FSD1L: variants seen among roughly 807,000 people sequenced by gnomAD.
FSD1L encodes FSD1-like protein.
Under a neutral mutation model 71.6 loss-of-function variants are expected in FSD1L, and 45 were observed. That is an observed-to-expected ratio of 0.63 (90% CI 0.49 to 0.81). The LOEUF (loss-of-function observed/expected upper bound fraction) is 0.81. FSD1L is among the 30% of genes least tolerant of loss of function. FSD1L has a pLI of 0.00. For synonymous variants in FSD1L, 197 were observed against 207.2 expected (o/e 0.95, Z 0.42); for missense variants, 561 against 618.1 (o/e 0.91, Z 0.98).
intron 1 of FSD1L, among the ~76,000 whole-genome samples, chr9:105,449,173 G>A (rs991115228): frequency 3.3e-5 from 5 of 152,212 alleles, no homozygotes; most frequent in Admixed American, 6.5e-5. Flanking sequence ...GAAAGACTTA[G>A]AACAACGTTT....
chr9:105,475,740 C>T (rs1347399907), intron 5 of FSD1L, among the ~76,000 whole-genome samples: 3 of 152,206 alleles, frequency 2.0e-5, no homozygotes, highest in Non-Finnish European at 1.5e-5. Context: ...AATCATAAAA[C>T]AGTTGCGGAC....
chr9:105,466,182 G>T (rs1185221640), intron 3 of FSD1L, among the ~76,000 whole-genome samples: 1 of 152,038 alleles, frequency 6.6e-6, no homozygotes, highest in East Asian at 1.9e-4. Context: ...ATTTACCTAA[G>T]GAAATGAAAG....
chr9:105,545,374 G>A (rs1836924856), intron 13 of FSD1L, among the ~76,000 whole-genome samples: 1 of 146,162 alleles, frequency 6.8e-6, no homozygotes, highest in Admixed American at 6.8e-5. Flanking sequence ...TGCAAACAGG[G>A]ACAATTTGAC....
At chr9:105,451,860 C>T (rs1054845133) in intron 1 of FSD1L, among the ~76,000 whole-genome samples, 2 of 152,122 alleles carry the variant, frequency 1.3e-5, no homozygotes, top group African/African-American at 2.4e-5. Context: ...ACTTTTTGTA[C>T]AGATTATTCA....
At chr9:105,476,000 T>C (rs1489742635) in intron 5 of FSD1L, among the ~76,000 whole-genome samples, 1 of 152,032 alleles carries the variant, frequency 6.6e-6, no homozygotes, top group Non-Finnish European at 1.5e-5. Flanking sequence ...AAAAGAGAAA[T>C]GATGATATTA....
At chr9:105,477,113 A>G (rs1385974448) in intron 5 of FSD1L, among the ~76,000 whole-genome samples, 2 of 152,220 alleles carry the variant, frequency 1.3e-5, no homozygotes, top group African/African-American at 4.8e-5. Flanking sequence ...ATATGTGCAC[A>G]CACACACTAA....
At chr9:105,454,425 GC>G (rs1330153034) in intron 1 of FSD1L, among the ~76,000 whole-genome samples, 4 of 152,110 alleles carry the variant, frequency 2.6e-5, no homozygotes, top group African/African-American at 9.7e-5. Context: ...CCAAGTCTCT[GC>G]TTACACCCTT....
chr9:105,462,006 T>C (rs780822620), intron 2 of FSD1L, among the ~76,000 whole-genome samples: 4 of 151,660 alleles, frequency 2.6e-5, no homozygotes, highest in Non-Finnish European at 5.9e-5. Flanking sequence ...TCAGGTCTTA[T>C]CTAGTTGGGG....
intron 1 of FSD1L, among the ~76,000 whole-genome samples, chr9:105,458,796 C>T (rs1830511184): frequency 6.6e-6 from 1 of 152,180 alleles, no homozygotes; most frequent in East Asian, 1.9e-4. Context: ...CCTAGGACTA[C>T]GTCTGCCTCC....
chr9:105,484,442 C>T lies in FSD1L; in HGVS notation c.526C>T (p.His176Tyr). 1.3e-6 allele frequency: 2 copies of T among 1,530,448 alleles called. No homozygotes were observed. The highest frequency in any genetic ancestry group is 1.8e-6 in the Non-Finnish European group (2 of 1,138,584). 94.8% of individuals were successfully genotyped at this position (1,530,448 alleles called of 1,614,324 possible). ...ACCAAAGGTCAGTGACAACATGACTCATTTAATGGTGGATTTCTCACAGGA... is the reference window on the plus strand; with the variant it reads ...ACCAAAGGTCAGTGACAACATGACTTATTTAATGGTGGATTTCTCACAGGA... ...LKPKVSDNMT[H>Y]LMVDFSQERQ... Residue 176 changes from histidine (H) to tyrosine (Y), a missense_variant, in exon 7 of 14, where the codon CAT becomes TAT. This residue lies in a region of FSD1L where 410 missense variants were observed against 413.5 expected (regional missense o/e 0.99). Transcript: ENST00000481272.
chr9:105,443,980 G>A (rs1829588192), upstream of FSD1L, among the ~76,000 whole-genome samples: 2 of 152,140 alleles, frequency 1.3e-5, no homozygotes, highest in Non-Finnish European at 1.5e-5. Context: ...CAGGCTGGGT[G>A]GCAAATGCTA....
At chr9:105,473,686 T>C (rs1564092179) in intron 5 of FSD1L, among the ~76,000 whole-genome samples, 1 of 152,162 alleles carries the variant, frequency 6.6e-6, no homozygotes, top group Admixed American at 6.5e-5. Context: ...ACACTAATAC[T>C]CAAAAATGCC....
intron 7 of FSD1L, among the ~76,000 whole-genome samples, chr9:105,485,792 C>T (rs567418676): frequency 7.2e-5 from 11 of 151,906 alleles, no homozygotes; most frequent in Non-Finnish European, 1.6e-4. Flanking sequence ...TACAGGCAGC[C>T]GTCACCAAGC....
intron 10 of FSD1L, among the ~76,000 whole-genome samples, chr9:105,532,722 T>C (rs1280299900): frequency 6.6e-6 from 1 of 152,202 alleles, no homozygotes; most frequent in Non-Finnish European, 1.5e-5. Context: ...TTTTTAGTTG[T>C]CTTTTTAAAG....
chr9:105,503,178 A>G (rs184345931), intron 7 of FSD1L, among the ~76,000 whole-genome samples: 92 of 152,306 alleles, frequency 6.0e-4, no homozygotes, highest in African/African-American at 2.0e-3. Flanking sequence ...ATGAGCCACT[A>G]TGCCCAGCAG....
intron 13 of FSD1L, among the ~76,000 whole-genome samples, chr9:105,542,926 G>C (rs1471648987): frequency 6.6e-6 from 1 of 151,974 alleles, no homozygotes; most frequent in Non-Finnish European, 1.5e-5. Flanking sequence ...CCTATTATGG[G>C]TAATGCTTTG....
At chr9:105,541,905 G>A (rs992450770) in intron 13 of FSD1L, among the ~76,000 whole-genome samples, 55 of 152,278 alleles carry the variant, frequency 3.6e-4, no homozygotes, top group African/African-American at 8.4e-4. Flanking sequence ...TTTCGATTCC[G>A]TACCATGCTG....
intron 6 of FSD1L, among the ~76,000 whole-genome samples, chr9:105,480,140 A>T (rs1333722660): frequency 6.6e-6 from 1 of 152,154 alleles, no homozygotes; most frequent in Non-Finnish European, 1.5e-5. Flanking sequence ...GGGTCATGAG[A>T]TTCTCTGAAA....
At chr9:105,456,314 G>A (rs1371904109) in intron 1 of FSD1L, among the ~76,000 whole-genome samples, 3 of 152,112 alleles carry the variant, frequency 2.0e-5, no homozygotes, top group South Asian at 2.1e-4. Flanking sequence ...TTCTCCATGC[G>A]TCAGCTTCCT....
Sources: allele counts gnomAD v4.1 joint callset (sites outside exome capture counted in the v4.1 genomes callset), GRCh38; gene constraint gnomAD v4.1.1; regional missense constraint gnomAD v4.1.1; transcripts MANE v1.5; gene names NCBI Gene and HGNC (gene_info 2026-07-23, HGNC 2026-07-21).